Variants in CTNND2 observed in about 807,000 individuals in gnomAD.
CTNND2 encodes catenin delta 2.
Under a neutral mutation model 144.4 loss-of-function variants are expected in CTNND2, and 22 were observed. The observed-to-expected ratio is 0.15, with a 90% CI of 0.11 to 0.22. The LOEUF is 0.22. CTNND2 is among the 10% of genes least tolerant of loss of function. The pLI, the probability that CTNND2 is intolerant of heterozygous loss-of-function variation, is 1.00. For missense variants in CTNND2, 1,353 were observed against 1,618.8 expected (o/e 0.84, Z 2.82); for synonymous variants, 751 against 695.6 (o/e 1.08, Z -1.25).
At chr5:11,479,157 C>A (rs1005956498) in intron 3 of CTNND2, among the ~76,000 whole-genome samples, 1 of 152,168 alleles carries the variant, frequency 6.6e-6, no homozygotes, top group Non-Finnish European at 1.5e-5. Flanking sequence ...CAACCCTTCA[C>A]CCTCAGGAAT....
rs188344349 is a variant in CTNND2, at chr5:11,059,862, A to G, written c.2788+22834T>C. On this transcript the variant is annotated intron_variant, in intron 16 of 21. Transcript: ENST00000304623. ...GAAACTCTTTTTGAAATATATGTGTATATATATAGATATACCCATACACAT... is the reference window on the plus strand; with the variant it reads ...GAAACTCTTTTTGAAATATATGTGTGTATATATAGATATACCCATACACAT... 6.5e-3 allele frequency among the ~76,000 whole-genome samples: 997 copies of G among 152,294 alleles called. 4 individuals carry two copies. The highest frequency in any genetic ancestry group is 8.6e-3 in the Non-Finnish European group (587 of 68,008).
chr5:11,007,572 T>C lies in CTNND2; in HGVS notation c.3084+10402A>G, dbSNP rs111287076. Among the ~76,000 whole-genome samples the C allele has an allele frequency of 4.0e-3, 613 of 152,378 alleles. 5 individuals carry two copies. Among genetic ancestry groups the C allele is most frequent in the African/African-American group, 0.012 (508 of 41,584 alleles). ...CTTGGTTGTTGCTAATGTTCTTATA[T>C]TGTTCCAGCTACAAAACGGAGTCTG... On this transcript the variant is annotated intron_variant, in intron 18 of 21. Transcript: ENST00000304623.
At chr5:11,087,357 A>C (rs1252786463) in intron 15 of CTNND2, among the ~76,000 whole-genome samples, 1 of 152,246 alleles carries the variant, frequency 6.6e-6, no homozygotes, top group African/African-American at 2.4e-5. Flanking sequence ...AATGCATAAA[A>C]TATTAGGAAA....
At chr5:11,712,742 G>T (rs572907227) in intron 2 of CTNND2, among the ~76,000 whole-genome samples, 1 of 152,198 alleles carries the variant, frequency 6.6e-6, no homozygotes, top group African/African-American at 2.4e-5. Context: ...CAAAAGAGTC[G>T]TTCATCCTAG....
intron 13 of CTNND2, among the ~76,000 whole-genome samples, chr5:11,115,974 T>C (rs1381650233): frequency 6.6e-6 from 1 of 152,248 alleles, no homozygotes; most frequent in Non-Finnish European, 1.5e-5. Context: ...TCTAACTTTG[T>C]AACTAAATTA....
chr5:11,659,013 A>C (rs1390816061), intron 2 of CTNND2, among the ~76,000 whole-genome samples: 1 of 152,160 alleles, frequency 6.6e-6, no homozygotes, highest in African/African-American at 2.4e-5. Flanking sequence ...TTAAAAATTC[A>C]TTTCAGTCAA....
chr5:11,541,682 C>T lies in CTNND2; in HGVS notation c.287+23262G>A, dbSNP rs559598885. Among the ~76,000 whole-genome samples, 8 of 152,256 alleles carry T rather than the reference C, an allele frequency of 5.3e-5. 1 individual carries two copies. The South Asian group carries it at 1.5e-3, about 28-fold the overall frequency. ...TTGCTAAGGGAACATTTAGATAAGA[C>T]ATCTCAACTGAATTGACTGTTTTAT... On this transcript the variant is annotated intron_variant, in intron 3 of 21. Transcript: ENST00000304623.
chr5:11,753,945 AGTGCATAGAGGT>A (rs961734081), intron 1 of CTNND2, among the ~76,000 whole-genome samples: 3 of 150,780 alleles, frequency 2.0e-5, no homozygotes, highest in South Asian at 2.1e-4. Flanking sequence ...TAGGCTTTCT[AGTGCATAGAGGT>A]GTGCATAGAG....
intron 15 of CTNND2, 85 bp downstream of exon 15, chr5:11,098,490 C>T (rs1293189719): frequency 3.4e-6 from 4 of 1,192,352 alleles, no homozygotes; most frequent in Admixed American, 2.4e-5. Flanking sequence ...ATTAGAGTTG[C>T]ATTTCTCAAA....
intron 9 of CTNND2, among the ~76,000 whole-genome samples, chr5:11,322,587 CTATAATA>C (rs1752142872): frequency 6.6e-6 from 1 of 151,992 alleles, no homozygotes; most frequent in African/African-American, 2.4e-5. Context: ...TGAAATTGTT[CTATAATA>C]TATATTTTGA....
intron 9 of CTNND2, among the ~76,000 whole-genome samples, chr5:11,257,422 A>G (rs1030546397): frequency 3.0e-4 from 46 of 152,210 alleles, no homozygotes; most frequent in African/African-American, 1.1e-3. Flanking sequence ...TAATTTACAA[A>G]GAAAAGAGGT....
rs779551535 is a variant in CTNND2, at chr5:11,199,680, C to T, written c.1762-19G>A. 3.1e-6 allele frequency: 5 copies of T among 1,594,880 alleles called. No individual in the cohort carries two copies. The highest frequency in any genetic ancestry group is 1.7e-4 in the Middle Eastern group (1 of 5,838). ...TCCTTATCTGAAAGAGCAAAGGACA[C>T]CACTTTTGCTTTACAGTGTAAGGTT... On this transcript the variant is annotated intron_variant, in intron 10 of 21. Coordinates refer to ENST00000304623, the MANE Select transcript of CTNND2 (RefSeq NM_001332.4).
At chr5:11,289,987 A>G (rs1748149456) in intron 9 of CTNND2, among the ~76,000 whole-genome samples, 1 of 152,204 alleles carries the variant, frequency 6.6e-6, no homozygotes, top group South Asian at 2.1e-4. Flanking sequence ...AATCACCAGG[A>G]TCACGCAGCA....
chr5:11,325,838 G>A (rs1307457368), intron 9 of CTNND2, among the ~76,000 whole-genome samples: 1 of 151,658 alleles, frequency 6.6e-6, no homozygotes, highest in Non-Finnish European at 1.5e-5. Flanking sequence ...CAAAGCAACT[G>A]GCCAGCATTC....
intron 18 of CTNND2, among the ~76,000 whole-genome samples, chr5:10,995,023 T>C (rs1224817304): frequency 6.6e-6 from 1 of 151,982 alleles, no homozygotes; most frequent in Non-Finnish European, 1.5e-5. Context: ...GGGAAGCAGC[T>C]TTAGGGAGTG....
At chr5:11,493,926 C>A in intron 3 of CTNND2, among the ~76,000 whole-genome samples, 1 of 151,610 alleles carries the variant, frequency 6.6e-6, no homozygotes, top group East Asian at 1.9e-4. Context: ...AGATTTGTAG[C>A]TGCGATAATT....
At chr5:11,795,472 G>T (rs1298547317) in intron 1 of CTNND2, among the ~76,000 whole-genome samples, 1 of 152,202 alleles carries the variant, frequency 6.6e-6, no homozygotes, top group Non-Finnish European at 1.5e-5. Flanking sequence ...TAGGATCCCA[G>T]TCTGTGACTC....
At chr5:11,312,320 T>G (rs1427648544) in intron 9 of CTNND2, among the ~76,000 whole-genome samples, 1 of 151,158 alleles carries the variant, frequency 6.6e-6, no homozygotes, top group South Asian at 2.1e-4. Flanking sequence ...TTCATGCTGC[T>G]GATAAAGACA....
chr5:11,753,028 T>A (rs982302124), intron 1 of CTNND2, among the ~76,000 whole-genome samples: 1 of 151,924 alleles, frequency 6.6e-6, no homozygotes, highest in African/African-American at 2.4e-5. Context: ...GCACTAATTT[T>A]ACATTCTGAA....
Sources: allele counts gnomAD v4.1 joint callset (sites outside exome capture counted in the v4.1 genomes callset), GRCh38; gene constraint gnomAD v4.1.1; transcripts MANE v1.5; gene names NCBI Gene and HGNC (gene_info 2026-07-23, HGNC 2026-07-21).